ACTN4: variants seen among roughly 807,000 people sequenced by gnomAD.
ACTN4 encodes the protein actinin alpha 4.
ACTN4 carries 18 observed loss-of-function variants against 114.2 expected under a neutral mutation model. That is an observed-to-expected ratio of 0.16 (90% confidence interval 0.11 to 0.23). ACTN4 has a LOEUF of 0.23. Among genes scored for constraint, ACTN4 ranks in the 10% least tolerant of loss-of-function variants. ACTN4 has a pLI of 1.00. For synonymous variants in ACTN4, 515 were observed against 506.3 expected, an observed-to-expected ratio of 1.02 and a Z score of -0.23; for missense variants, 722 against 1,262.9, an observed-to-expected ratio of 0.57 and a Z score of 6.49.
chr19:38,731,224 C>T lies in ACTN4; in HGVS notation c.*1792C>T, dbSNP rs750487913. On this transcript the variant is annotated 3_prime_UTR_variant, in exon 21 of 21. Coordinates refer to ENST00000252699, the MANE Select transcript of ACTN4 (RefSeq NM_004924.6). The stretch of plus-strand genomic sequence containing the variant: ...GTCAGCTGGTTGTTCAGGTGGAAGC[C>T]TAGGGGGAGGCTGCTTCTGAGCCCA... 5.0e-6 allele frequency: 8 copies of T among 1,612,066 alleles called. No individual in the cohort carries two copies. Among genetic ancestry groups the T allele is most frequent in the Admixed American group, 3.3e-5 (2 of 60,026 alleles).
At chr19:38,678,790 C>T (rs1407765400) in intron 1 of ACTN4, among the ~76,000 whole-genome samples, 1 of 152,202 alleles carries the variant, frequency 6.6e-6, no homozygotes, top group Non-Finnish European at 1.5e-5. Context: ...CAAGTCCTTG[C>T]CCCTGGGACC....
intron 1 of ACTN4, among the ~76,000 whole-genome samples, chr19:38,679,893 A>G (rs919817530): frequency 1.3e-5 from 2 of 152,148 alleles, no homozygotes; most frequent in Admixed American, 6.5e-5. Context: ...CTTCCTTGAC[A>G]TCACAGTCTC....
rs141268998 is a variant in ACTN4 at position 38,709,178 on chromosome 19, G to A, written c.652-217G>A. On this transcript the variant is annotated intron_variant, in intron 6 of 20. Transcript: ENST00000252699. ...TTTTCTGGAGAAAAAGCCCTGGTTT[G>A]CCCCACAAAGATTTCACGAGGCACT... Among the ~76,000 whole-genome samples, 54 of 152,286 alleles carry A rather than the reference G, an allele frequency of 3.5e-4. No individual in the cohort carries two copies. The East Asian group carries it at 8.3e-3, about 23-fold the overall frequency.
intron 11 of ACTN4, among the ~76,000 whole-genome samples, chr19:38,720,181 C>T (rs1375680340): frequency 3.3e-5 from 5 of 152,250 alleles, no homozygotes; most frequent in Non-Finnish European, 7.3e-5. Context: ...CACCCCTCAC[C>T]ATCCCCCACA....
At chr19:38,700,173 T>C (rs1968223308) in intron 1 of ACTN4, among the ~76,000 whole-genome samples, 9 of 152,132 alleles carry the variant, frequency 5.9e-5, no homozygotes, top group Admixed American at 4.6e-4. Context: ...GCCCGACCTG[T>C]TCATTCCACA....
intron 7 of ACTN4, among the ~76,000 whole-genome samples, 171 bp from the exon 8 acceptor site, chr19:38,710,086 C>G (rs1284347449): frequency 6.6e-6 from 1 of 152,082 alleles, no homozygotes; most frequent in South Asian, 2.1e-4. Context: ...CCTTTCCAGA[C>G]CCATGGGAGA....
At chr19:38,652,386 AGGT>A (rs1976590737) in intron 1 of ACTN4, among the ~76,000 whole-genome samples, 2 of 152,106 alleles carry the variant, frequency 1.3e-5, no homozygotes, top group South Asian at 4.1e-4. Flanking sequence ...ACTGAAGAAA[AGGT>A]GGGGTATGGG....
At chr19:38,694,735 G>A (rs1968036085) in intron 1 of ACTN4, among the ~76,000 whole-genome samples, 1 of 174 alleles carries the variant, frequency 5.7e-3, no homozygotes. Context: ...CTCATCAAAT[G>A]GAGATATATC....
chr19:38,656,345 C>G (rs1976711425), intron 1 of ACTN4, among the ~76,000 whole-genome samples: 1 of 152,118 alleles, frequency 6.6e-6, no homozygotes, highest in South Asian at 2.1e-4. Flanking sequence ...CTCCCAAAGT[C>G]TTGGGATTAC....
At chr19:38,696,904 G>T (rs1968113230) in intron 1 of ACTN4, among the ~76,000 whole-genome samples, 1 of 152,230 alleles carries the variant, frequency 6.6e-6, no homozygotes, top group Non-Finnish European at 1.5e-5. Flanking sequence ...GTACACGGAA[G>T]AGTTACCATT....
chr19:38,692,377 G>T (rs779136260), intron 1 of ACTN4, among the ~76,000 whole-genome samples: 1 of 152,218 alleles, frequency 6.6e-6, no homozygotes, highest in African/African-American at 2.4e-5. Context: ...CTAATTTGTG[G>T]CTGTGTTATT....
At chr19:38,728,568 C>G (rs1421975789) in intron 19 of ACTN4, among the ~76,000 whole-genome samples, 1 of 152,018 alleles carries the variant, frequency 6.6e-6, no homozygotes, top group Non-Finnish European at 1.5e-5. Context: ...GGTGGGGTCC[C>G]TCCGATGACT....
At chr19:38,673,326 CCTT>C (rs1046076462) in intron 1 of ACTN4, among the ~76,000 whole-genome samples, 1 of 150,418 alleles carries the variant, frequency 6.6e-6, no homozygotes, top group Non-Finnish European at 1.5e-5. Flanking sequence ...ACAGAATAGT[CCTT>C]CTTCTTGTCC....
At chr19:38,667,654 G>T (rs921351687) in intron 1 of ACTN4, among the ~76,000 whole-genome samples, 9 of 150,368 alleles carry the variant, frequency 6.0e-5, no homozygotes, top group Admixed American at 5.3e-4. Flanking sequence ...CCATTGTTAT[G>T]AAGTGTGGAA....
chr19:38,687,007 A>G (rs1286161213), intron 1 of ACTN4, among the ~76,000 whole-genome samples: 8 of 138,286 alleles, frequency 5.8e-5, no homozygotes, highest in Non-Finnish European at 9.2e-5. Context: ...TCTGTTGCCC[A>G]GGCTGGAGTA....
chr19:38,725,028 T>C (rs181938372), intron 16 of ACTN4, among the ~76,000 whole-genome samples: 1 of 152,296 alleles, frequency 6.6e-6, no homozygotes, highest in East Asian at 1.9e-4. Flanking sequence ...TCAGGCACTA[T>C]TGAACCTCTG....
chr19:38,723,496 A>G (rs981340663), intron 12 of ACTN4, 118 bp from the exon 13 acceptor site: 5 of 762,746 alleles, frequency 6.6e-6, no homozygotes, highest in Non-Finnish European at 1.2e-5. Flanking sequence ...TTGGTTGCTG[A>G]TATCCTGGAA....
intron 1 of ACTN4, among the ~76,000 whole-genome samples, chr19:38,678,518 G>C (rs1967448877): frequency 6.6e-6 from 1 of 152,154 alleles, no homozygotes; most frequent in Admixed American, 6.6e-5. Context: ...GGCTGTCTTT[G>C]GTGGCCATTG....
At chr19:38,658,420 CT>C (rs916027047) in intron 1 of ACTN4, among the ~76,000 whole-genome samples, 7 of 151,830 alleles carry the variant, frequency 4.6e-5, no homozygotes, top group Non-Finnish European at 7.4e-5. Context: ...GCACAAGTAA[CT>C]TTTTTTTTAA....
Sources: allele counts gnomAD v4.1 joint callset (sites outside exome capture counted in the v4.1 genomes callset), GRCh38; gene constraint gnomAD v4.1.1; transcripts MANE v1.5; gene names NCBI Gene and HGNC (gene_info 2026-07-23, HGNC 2026-07-21).